The following NOSTRIN variants were observed in gnomAD, a reference collection of about 807,000 sequenced individuals.
NOSTRIN encodes BM247 homolog.
Under a neutral mutation model 59.0 loss-of-function variants are expected in NOSTRIN, and 63 were observed. The ratio of observed to expected loss-of-function variants is 1.07; its 90% confidence interval spans 0.87 to 1.32. The LOEUF (loss-of-function observed/expected upper bound fraction) is 1.32, where lower values mean the gene tolerates loss of function less well. Among genes scored for constraint, NOSTRIN ranks in the 40% most tolerant of loss-of-function variants. NOSTRIN has a pLI of 0.00. For synonymous variants in NOSTRIN, 200 were observed against 165.4 expected, an observed-to-expected ratio of 1.21 and a Z score of -1.61; for missense variants, 512 against 473.1, an observed-to-expected ratio of 1.08 and a Z score of -0.76.
At chr2:168,804,741 G>T (rs1685759285) in intron 1 of NOSTRIN, among the ~76,000 whole-genome samples, 1 of 152,102 alleles carries the variant, frequency 6.6e-6, no homozygotes, top group Non-Finnish European at 1.5e-5. Context: ...ATGGAACTCA[G>T]TGGGTTGCAT....
intron 1 of NOSTRIN, among the ~76,000 whole-genome samples, chr2:168,803,344 T>A (rs975165539): frequency 9.2e-5 from 14 of 152,214 alleles, no homozygotes; most frequent in Non-Finnish European, 1.6e-4. Flanking sequence ...GGGGGGGATA[T>A]GTTTACTTTG....
upstream of NOSTRIN, chr2:168,802,438 G>A: frequency 1.9e-6 from 1 of 530,942 alleles, no homozygotes; most frequent in South Asian, 2.1e-5. Context: ...TCTCACACTG[G>A]CCGTCTTGAC....
At chr2:168,855,653 A>AG (rs2105773546) in intron 11 of NOSTRIN, 193 bp downstream of exon 11, 1 of 461,870 alleles carries the variant, frequency 2.2e-6, no homozygotes, top group African/African-American at 2.0e-5. Context: ...AAAAAAAAAA[A>AG]AGGAAAATCA....
Position 168,864,840 on chromosome 2 carries a change from T to A in NOSTRIN, c.1391T>A (p.Ile464Asn), listed in dbSNP as rs770453222. The change falls in exon 16 of 16, where the codon ATT becomes AAT. Residue 464 changes from isoleucine to asparagine, a missense_variant. By Grantham distance (149) the Ile-to-Asn change is moderately radical. Coordinates refer to ENST00000317647, the MANE Select transcript of NOSTRIN (RefSeq NM_001039724.4). ...TCTAACTGTATTTTCACAGGTGACATTGTGATTATACACGAGAAAAAAGAA... is the reference window on the plus strand; with the variant it reads ...TCTAACTGTATTTTCACAGGTGACAATGTGATTATACACGAGAAAAAAGAA... ...DDELNLEKGD[I>N]VIIHEKKEGG... The A allele has an allele frequency of 1.9e-6, 3 of 1,613,916 alleles. No homozygotes were observed. The highest frequency in any genetic ancestry group is 1.1e-5 in the South Asian group (1 of 91,080).
At chr2:168,855,962 A>T in intron 11 of NOSTRIN, 1 of 442,028 alleles carries the variant, frequency 2.3e-6, no homozygotes, top group Non-Finnish European at 4.5e-6. Flanking sequence ...TGTGACTCTG[A>T]TGTCTACCTA....
At chr2:168,831,926 G>T (rs1409149990) in intron 6 of NOSTRIN, among the ~76,000 whole-genome samples, 1 of 152,232 alleles carries the variant, frequency 6.6e-6, no homozygotes, top group Admixed American at 6.5e-5. Flanking sequence ...GGGTTCCAGG[G>T]TCACTGCTCT....
intron 2 of NOSTRIN, among the ~76,000 whole-genome samples, chr2:168,817,593 C>T (rs1254671240): frequency 1.3e-5 from 2 of 152,180 alleles, no homozygotes; most frequent in African/African-American, 4.8e-5. Context: ...TACTCCCTGT[C>T]CTCCCCTACC....
intron 12 of NOSTRIN, 155 bp from the exon 13 acceptor site, chr2:168,859,357 A>AT (rs11296225): frequency 3.8e-3 from 4,206 of 1,102,278 alleles, no homozygotes; most frequent in Non-Finnish European, 4.4e-3. Context: ...TTATTCCTCC[A>AT]TTTTTTTTTC....
intron 2 of NOSTRIN, among the ~76,000 whole-genome samples, chr2:168,822,254 GGTT>G (rs1246087989): frequency 6.6e-6 from 1 of 152,170 alleles, no homozygotes; most frequent in African/African-American, 2.4e-5. Context: ...GACACCAAAT[GGTT>G]GTTTTCTGCA....
chr2:168,836,134 A>G (rs1191829820), intron 7 of NOSTRIN, among the ~76,000 whole-genome samples: 4 of 152,226 alleles, frequency 2.6e-5, no homozygotes, highest in African/African-American at 4.8e-5. Context: ...ATTTCTTTCC[A>G]TGTCAGTCTT....
intron 7 of NOSTRIN, among the ~76,000 whole-genome samples, chr2:168,842,339 A>T (rs1351353430): frequency 6.6e-6 from 1 of 152,076 alleles, no homozygotes; most frequent in East Asian, 1.9e-4. Context: ...GATGTGCCTG[A>T]ATTCTCAAAG....
intron 2 of NOSTRIN, among the ~76,000 whole-genome samples, chr2:168,789,929 C>T (rs1685305008): frequency 6.6e-6 from 1 of 152,220 alleles, no homozygotes; most frequent in Non-Finnish European, 1.5e-5. Context: ...AACCACCTCA[C>T]TGGGGCACCC....
At chr2:168,855,516 T>C in intron 11 of NOSTRIN, 56 bp downstream of exon 11, 1 of 986,472 alleles carries the variant, frequency 1.0e-6, no homozygotes, top group Non-Finnish European at 1.6e-6. Context: ...GCTCAGAGGT[T>C]TCATTCAGAG....
intron 8 of NOSTRIN, among the ~76,000 whole-genome samples, chr2:168,848,099 C>A (rs1688533601): frequency 6.6e-6 from 1 of 152,176 alleles, no homozygotes; most frequent in African/African-American, 2.4e-5. Flanking sequence ...ATTTCTAGAT[C>A]TTTTTCTATA....
At chr2:168,806,036 G>A (rs565732125) in intron 1 of NOSTRIN, among the ~76,000 whole-genome samples, 27 of 152,180 alleles carry the variant, frequency 1.8e-4, no homozygotes, top group Admixed American at 5.9e-4. Flanking sequence ...TCCATATCCC[G>A]TAATCTATGA....
At chr2:168,803,443 C>T (rs1206647192) in intron 1 of NOSTRIN, among the ~76,000 whole-genome samples, 1 of 152,142 alleles carries the variant, frequency 6.6e-6, no homozygotes, top group Non-Finnish European at 1.5e-5. Flanking sequence ...CAGGAGGTTG[C>T]AGTCATCCTT....
chr2:168,819,572 CTG>C (rs2105587436), intron 2 of NOSTRIN, among the ~76,000 whole-genome samples: 1 of 152,344 alleles, frequency 6.6e-6, no homozygotes, highest in Non-Finnish European at 1.5e-5. Context: ...TTCGTTATAA[CTG>C]TGCAGAAAGA....
At chr2:168,807,868 A>C (rs1384113822) in intron 1 of NOSTRIN, among the ~76,000 whole-genome samples, 1 of 152,224 alleles carries the variant, frequency 6.6e-6, no homozygotes, top group East Asian at 1.9e-4. Flanking sequence ...AAATGACAGA[A>C]AATCATCTTC....
At chr2:168,823,302 C>T (rs1166334581) in intron 2 of NOSTRIN, among the ~76,000 whole-genome samples, 1 of 152,208 alleles carries the variant, frequency 6.6e-6, no homozygotes, top group East Asian at 1.9e-4. Context: ...AGGCGTGAGC[C>T]ACCGCGCCCG....
Sources: allele counts gnomAD v4.1 joint callset (sites outside exome capture counted in the v4.1 genomes callset), GRCh38; gene constraint gnomAD v4.1.1; transcripts MANE v1.5; gene names NCBI Gene and HGNC (gene_info 2026-07-23, HGNC 2026-07-21).